Variants in ADGRA2 observed in about 807,000 individuals in gnomAD.
The protein encoded by ADGRA2 is G-protein coupled receptor 124.
A neutral mutation model predicts 98.7 loss-of-function variants in ADGRA2; 61 were observed. That is an observed-to-expected ratio of 0.62 (90% CI 0.50 to 0.76). ADGRA2 has a LOEUF of 0.76. Among genes scored for constraint, ADGRA2 ranks in the 30% least tolerant of loss-of-function variants. The pLI is 0.00. For synonymous variants in ADGRA2, 858 were observed against 831.5 expected, an observed-to-expected ratio of 1.03 and a Z score of -0.55; for missense variants, 1,712 against 1,860.0, an observed-to-expected ratio of 0.92 and a Z score of 1.46.
chr8:37,832,893 G>A (rs1323489500), intron 8 of ADGRA2, 117 bp from the exon 9 acceptor site: 10 of 758,000 alleles, frequency 1.3e-5, no homozygotes, highest in Non-Finnish European at 2.0e-5. Flanking sequence ...TCTGAACCCC[G>A]CTCCTGGATC....
intron 13 of ADGRA2, among the ~76,000 whole-genome samples, chr8:37,836,406 G>A (rs372563078): frequency 3.3e-5 from 5 of 152,094 alleles, no homozygotes; most frequent in South Asian, 2.1e-4. Flanking sequence ...AAGGAAGGGC[G>A]GAGACCAGGG....
chr8:37,840,172 G>A lies in ADGRA2; in HGVS notation c.2563G>A (p.Val855Met), dbSNP rs759091895. The change falls in exon 17 of 19, where the codon GTG (valine) becomes ATG (methionine). Residue 855 changes from valine to methionine, a missense_variant. Physicochemically the swap from Val to Met is conservative, Grantham distance 21. Transcript: ENST00000412232. Reference sequence around the variant, plus strand: ...CCTATCCACGCTGCTCTGGATGGGCGTGAAGGCGCGAGTGCTCCATAAGGA... The same window carrying A: ...CCTATCCACGCTGCTCTGGATGGGCATGAAGGCGCGAGTGCTCCATAAGGA... ...SSLSTLLWMG[V>M]KARVLHKELT... The A allele has an allele frequency of 1.2e-5, 20 of 1,611,132 alleles. No homozygotes were observed. The highest frequency in any genetic ancestry group is 2.7e-5 in the African/African-American group (2 of 74,922).
In ADGRA2 at chr8:37,802,626, A is replaced by G. The variant is rs1804542311; in HGVS notation, c.266+5092A>G. Among the ~76,000 whole-genome samples, 1 of 152,164 alleles carries G rather than the reference A, an allele frequency of 6.6e-6. No homozygotes were observed. The highest frequency in any genetic ancestry group is 6.5e-5 in the Admixed American group (1 of 15,290). On this transcript the variant is annotated intron_variant, in intron 1 of 18. Transcript: ENST00000412232. The surrounding 1 kb of genome is among the most constrained non-coding windows in gnomAD (Gnocchi z 4.7). ...CTGTTCAAAGGCAGGGGCCCAGCAGAAACCTCAGTCTCTCCTGGACTCTTC... is the reference window on the plus strand; with the variant it reads ...CTGTTCAAAGGCAGGGGCCCAGCAGGAACCTCAGTCTCTCCTGGACTCTTC...
intron 13 of ADGRA2, 36 bp from the exon 14 acceptor site, chr8:37,837,694 TG>T (rs1277793520): frequency 6.7e-6 from 10 of 1,488,488 alleles, no homozygotes; most frequent in Non-Finnish European, 9.1e-6. Flanking sequence ...CCTGACACCC[TG>T]TGTGTGTCTG....
rs879623538 is a variant in ADGRA2 at position 37,797,298 on chromosome 8, G to A, written c.30G>A (p.Gly10=). 63 of 1,310,852 alleles carry A rather than the reference G, an allele frequency of 4.8e-5. No homozygotes were observed. The highest frequency in any genetic ancestry group is 5.7e-5 in the Non-Finnish European group (59 of 1,037,498). The allele number at this position is 1,310,852 out of a possible 1,614,324, so 81.2% of individuals were successfully genotyped here. A position where few individuals can be genotyped will look rare whatever the true frequency, so the allele number is the denominator to read the frequency against. MGAGGRRMR[G]APARLLLPLL... is the part of the protein sequence containing the mutation. ...GCGCCGGGGGACGCAGGATGCGGGG[G>A]GCGCCCGCGCGCCTGCTGCTGCCGC... is the stretch of plus-strand genomic sequence containing the variant. Residue 10 remains glycine (G), a synonymous_variant, in exon 1 of 19, where the codon GGG becomes GGA. Coordinates refer to ENST00000412232, the MANE Select transcript of ADGRA2 (RefSeq NM_032777.10). This position sits in a 1 kb window ranked among gnomAD's most constrained non-coding sequence, Gnocchi z 5.3.
intron 1 of ADGRA2, among the ~76,000 whole-genome samples, chr8:37,800,131 C>G (rs547558564): frequency 6.6e-6 from 1 of 152,134 alleles, no homozygotes; most frequent in African/African-American, 2.4e-5. Flanking sequence ...AGGGTTACAG[C>G]CAACAGCCCT....
chr8:37,840,650 T>G (rs1805760300), intron 17 of ADGRA2, 110 bp from the exon 18 acceptor site: 1 of 705,972 alleles, frequency 1.4e-6, no homozygotes, highest in Admixed American at 2.1e-5. Flanking sequence ...TTCTGATAAT[T>G]TAAAGGGGAA....
rs558761558 is a variant in ADGRA2, at chr8:37,825,737, T to C, written c.339-3151T>C. Among the ~76,000 whole-genome samples, 250 of 152,310 alleles carry C rather than the reference T, an allele frequency of 1.6e-3. 1 individual carries two copies. Among genetic ancestry groups the C allele is most frequent in the Non-Finnish European group, 2.7e-3 (187 of 68,022 alleles). On this transcript the variant is annotated intron_variant, in intron 2 of 18. Transcript: ENST00000412232. ...TCCCAAAAATGTCCAAGTCTTATGG[T>C]AGCATTTCTCCCGCCCCGAGGGAGG...
rs1383657069 is a variant in ADGRA2 at position 37,814,496 on chromosome 8, A to G, written c.267-400A>G. ...TGGCCCCGTTCAAGCCATTCTCCCC[A>G]CCACTCTCTTCGGGATATTGGGTGA... is the stretch of plus-strand genomic sequence containing the variant. On this transcript the variant is annotated intron_variant, in intron 1 of 18. Transcript: ENST00000412232. This position sits in a 1 kb window ranked among gnomAD's most constrained non-coding sequence, Gnocchi z 4.3. Among the ~76,000 whole-genome samples, 1 of 152,130 alleles carries G rather than the reference A, an allele frequency of 6.6e-6. No individual in the cohort carries two copies.
At chr8:37,820,866 G>C (rs1349655724) in intron 2 of ADGRA2, among the ~76,000 whole-genome samples, 1 of 151,986 alleles carries the variant, frequency 6.6e-6, no homozygotes, top group Non-Finnish European at 1.5e-5. Context: ...GGCAAGGAAG[G>C]GGCCACAGAG....
intron 1 of ADGRA2, among the ~76,000 whole-genome samples, chr8:37,799,045 C>T (rs1350613746): frequency 6.6e-6 from 1 of 152,194 alleles, no homozygotes; most frequent in Admixed American, 6.5e-5. Flanking sequence ...CTCTGCGGAA[C>T]AGTCGGTAGC....
chr8:37,841,883 C>T lies in ADGRA2; in HGVS notation c.3545C>T (p.Ala1182Val), dbSNP rs1234203209. ...HPNNVHHGRRAHKSRAKGHRA... is the reference protein window; with the variant it reads ...HPNNVHHGRRVHKSRAKGHRA... ...AACAACGTGCACCACGGGCGTCGGGCGCACAAGAGCCGGGCCAAGGGACAC... is the reference window on the plus strand; with the variant it reads ...AACAACGTGCACCACGGGCGTCGGGTGCACAAGAGCCGGGCCAAGGGACAC... The change falls in exon 19 of 19, where the codon GCG becomes GTG. Residue 1182 changes from alanine (A) to valine (V), a missense_variant. Physicochemically the swap from Ala to Val is moderately conservative, Grantham distance 64. Coordinates refer to ENST00000412232, the MANE Select transcript of ADGRA2 (RefSeq NM_032777.10). The surrounding 1 kb of genome is among the most constrained non-coding windows in gnomAD (Gnocchi z 5.0). 1 of 1,534,572 alleles carries T rather than the reference C, an allele frequency of 6.5e-7. No individual in the cohort carries two copies. Among genetic ancestry groups the T allele is most frequent in the Non-Finnish European group, 8.7e-7 (1 of 1,146,890 alleles).
chr8:37,809,660 T>C (rs533880308), intron 1 of ADGRA2, among the ~76,000 whole-genome samples: 5 of 152,326 alleles, frequency 3.3e-5, no homozygotes, highest in African/African-American at 9.6e-5. Context: ...ATCAGGACCA[T>C]GTTCTCTGCA....
intron 2 of ADGRA2, among the ~76,000 whole-genome samples, chr8:37,815,325 A>T (rs1186487229): frequency 3.3e-5 from 5 of 152,244 alleles, no homozygotes; most frequent in Non-Finnish European, 7.3e-5. Context: ...GGGCAGCTTA[A>T]AGCGACTGAC....
At position 37,814,079 on chromosome 8, in the gene ADGRA2, G is replaced by C. The variant is rs926719559; in HGVS notation, c.267-817G>C. Among the ~76,000 whole-genome samples, 3 of 152,196 alleles carry C rather than the reference G, an allele frequency of 2.0e-5. No homozygotes were observed. Among genetic ancestry groups the C allele is most frequent in the African/African-American group, 7.2e-5 (3 of 41,452 alleles). On this transcript the variant is annotated intron_variant, in intron 1 of 18. Coordinates refer to ENST00000412232, the MANE Select transcript of ADGRA2 (RefSeq NM_032777.10). This position sits in a 1 kb window ranked among gnomAD's most constrained non-coding sequence, Gnocchi z 4.3. ...GAGGCTCATTAAAGCTTTCTAATAA[G>C]CAATTAACTGGGGGATGAGCCCTTT...
intron 1 of ADGRA2, among the ~76,000 whole-genome samples, chr8:37,798,581 C>T (rs968714591): frequency 4.6e-5 from 7 of 152,240 alleles, no homozygotes; most frequent in Non-Finnish European, 7.3e-5. Flanking sequence ...CCGCGGCCGC[C>T]GCTTCCTTTC....
intron 1 of ADGRA2, among the ~76,000 whole-genome samples, chr8:37,806,520 C>CTTTTTTTTTTTTTTTTTTT (rs1184569639): frequency 1.2e-5 from 1 of 85,494 alleles, no homozygotes; most frequent in African/African-American, 7.4e-5. Flanking sequence ...TTTCTTTTTT[C>CTTTTTTTTTTTTTTTTTTT]TTTTTCTTTT....
chr8:37,843,423 G>C lies in ADGRA2; in HGVS notation c.*1068G>C, dbSNP rs1190547563. ...CCCGACTCCCAGGAGCTCAAGCCAA[G>C]CCCAGAGGCAGTGGCTGGGGTCCCT... On this transcript the variant is annotated 3_prime_UTR_variant, in exon 19 of 19. Transcript: ENST00000412232. 3.3e-5 allele frequency: 5 copies of C among 152,252 alleles called. No homozygotes were observed. The highest frequency in any genetic ancestry group is 7.3e-5 in the Non-Finnish European group (5 of 68,066). The allele number at this position is 152,252 out of a possible 1,614,324, so 9.4% of individuals were successfully genotyped here. A position where few individuals can be genotyped will look rare whatever the true frequency, so the allele number is the denominator to read the frequency against.
intron 14 of ADGRA2, 40 bp downstream of exon 14, chr8:37,837,979 C>A: frequency 1.3e-5 from 19 of 1,412,536 alleles, no homozygotes; most frequent in Non-Finnish European, 1.7e-5. Context: ...GGGGCAGGGA[C>A]ACGGGCTGGG....
Sources: gnomAD v4.1 joint callset for allele counts (sites outside exome capture counted in the v4.1 genomes callset) on GRCh38, gnomAD v4.1.1 for gene constraint, Gnocchi (gnomAD v3.1) non-coding constraint, MANE v1.5 for transcripts, NCBI Gene and HGNC (gene_info 2026-07-23, HGNC 2026-07-21) for gene names.